Variants in CELF5 observed in about 807,000 individuals in gnomAD.
CELF5 encodes CUG-BP and ETR-3 like factor 5.
Under a neutral mutation model 54.9 loss-of-function variants are expected in CELF5, and 6 were observed. That is an observed-to-expected ratio of 0.11 (90% CI 0.06 to 0.22). CELF5 has a LOEUF of 0.22. Among genes scored for constraint, CELF5 ranks in the 10% least tolerant of loss-of-function variants. CELF5 has a pLI of 1.00. For missense variants in CELF5, 401 were observed against 678.6 expected, an observed-to-expected ratio of 0.59 and a Z score of 4.54; for synonymous variants, 271 against 290.9, an observed-to-expected ratio of 0.93 and a Z score of 0.70.
At position 3,282,628 on chromosome 19, in the gene CELF5, G is replaced by A; in HGVS notation, c.1039+130G>A. On this transcript the variant is annotated intron_variant, in intron 8 of 12. Transcript: ENST00000292672. This position sits in a 1 kb window ranked among gnomAD's most constrained non-coding sequence, Gnocchi z 5.2. Reference sequence around the variant, plus strand: ...GGGCAGGAAAAAGGGTGTCTCCGCTGAGCAGATAAGAGCTGTGGACACAGG... The same window carrying A: ...GGGCAGGAAAAAGGGTGTCTCCGCTAAGCAGATAAGAGCTGTGGACACAGG... 1.0e-6 allele frequency: 1 copy of A among 1,000,848 alleles called. No homozygotes were observed. Among genetic ancestry groups the A allele is most frequent in the South Asian group, 1.6e-5 (1 of 61,228 alleles). The allele number at this position is 1,000,848 out of a possible 1,614,324, so 62.0% of individuals were successfully genotyped here.
At chr19:3,231,329 G>T (rs981776765) in intron 1 of CELF5, among the ~76,000 whole-genome samples, 6 of 152,192 alleles carry the variant, frequency 3.9e-5, no homozygotes, top group East Asian at 1.9e-4. Context: ...TGAATCAATG[G>T]ATACAGACAT....
At chr19:3,279,758 A>C (rs2080116644) in intron 5 of CELF5, among the ~76,000 whole-genome samples, 1 of 152,028 alleles carries the variant, frequency 6.6e-6, no homozygotes, top group South Asian at 2.1e-4. Flanking sequence ...GTTGGAGTGC[A>C]ATGGGGCAAT....
chr19:3,253,968 T>C (rs1171286726), intron 2 of CELF5, among the ~76,000 whole-genome samples: 1 of 152,166 alleles, frequency 6.6e-6, no homozygotes, highest in African/African-American at 2.4e-5. Context: ...CCAGTCTCTA[T>C]TCCACTGTCT....
rs964991075 is a variant in CELF5 at position 3,228,511 on chromosome 19, C to T, written c.259+3513C>T. On this transcript the variant is annotated intron_variant, in intron 1 of 12. Coordinates refer to ENST00000292672, the MANE Select transcript of CELF5 (RefSeq NM_021938.4). This position sits in a 1 kb window ranked among gnomAD's most constrained non-coding sequence, Gnocchi z 6.0. ...GAAGGTGCCCACGGTGGTACTGGTC[C>T]GCCGCTGCCACTGGGCCCCCCGTTT... 1.3e-5 allele frequency among the ~76,000 whole-genome samples: 2 copies of T among 152,272 alleles called. No homozygotes were observed. Among genetic ancestry groups the T allele is most frequent in the Admixed American group, 6.5e-5 (1 of 15,304 alleles).
At chr19:3,292,008 A>G (rs938090918) in intron 11 of CELF5, among the ~76,000 whole-genome samples, 2 of 151,986 alleles carry the variant, frequency 1.3e-5, no homozygotes, top group Non-Finnish European at 2.9e-5. Context: ...GTGCAATTGC[A>G]CGATCTCAGC....
Position 3,278,455 on chromosome 19 carries a change from T to G in CELF5, c.603+345T>G, listed in dbSNP as rs1347609902. ...TGTGAGTGCGTGTTTGAGTGTGTCA[T>G]TACTAGTAGGCGAGTGTTATGTGAG... On this transcript the variant is annotated intron_variant, in intron 5 of 12. Coordinates refer to ENST00000292672, the MANE Select transcript of CELF5 (RefSeq NM_021938.4). This position sits in a 1 kb window ranked among gnomAD's most constrained non-coding sequence, Gnocchi z 4.5. Among the ~76,000 whole-genome samples, 1 of 151,528 alleles carries G rather than the reference T, an allele frequency of 6.6e-6. No homozygotes were observed. Among genetic ancestry groups the G allele is most frequent in the African/African-American group, 2.4e-5 (1 of 41,202 alleles).
chr19:3,247,362 G>A (rs1025431143), intron 1 of CELF5, among the ~76,000 whole-genome samples: 1 of 152,018 alleles, frequency 6.6e-6, no homozygotes, highest in East Asian at 1.9e-4. Context: ...TCCTGACCTC[G>A]TGATCCACCT....
At chr19:3,292,229 G>T (rs1341869321) in intron 11 of CELF5, among the ~76,000 whole-genome samples, 1 of 151,398 alleles carries the variant, frequency 6.6e-6, no homozygotes, top group East Asian at 1.9e-4. Flanking sequence ...TTACAGACGT[G>T]AACCACCACA....
chr19:3,262,362 T>C (rs556530622), intron 2 of CELF5, among the ~76,000 whole-genome samples: 2 of 152,282 alleles, frequency 1.3e-5, no homozygotes, highest in South Asian at 2.1e-4. Flanking sequence ...TTAGTTTTAG[T>C]AATTTGAAAT....
Position 3,228,634 on chromosome 19 carries a change from G to T in CELF5, c.259+3636G>T, listed in dbSNP as rs952306274. On this transcript the variant is annotated intron_variant, in intron 1 of 12. Transcript: ENST00000292672. This position sits in a 1 kb window ranked among gnomAD's most constrained non-coding sequence, Gnocchi z 6.0. ...TGCAGGTGGGGGGGGGGCCCGGCGG[G>T]GGCCCGGGTGGGGGCCCGCGGTTTC... 6.6e-6 allele frequency among the ~76,000 whole-genome samples: 1 copy of T among 151,884 alleles called. No individual in the cohort carries two copies. Among genetic ancestry groups the T allele is most frequent in the South Asian group, 2.1e-4 (1 of 4,810 alleles).
intron 2 of CELF5, among the ~76,000 whole-genome samples, chr19:3,266,939 G>A (rs372109152): frequency 3.3e-5 from 5 of 152,282 alleles, no homozygotes; most frequent in African/African-American, 7.2e-5. Context: ...CCACCCAGGC[G>A]GCTCACGTGC....
intron 8 of CELF5, 165 bp from the exon 9 acceptor site, chr19:3,284,737 T>G: frequency 1.6e-6 from 1 of 642,512 alleles, no homozygotes; most frequent in Admixed American, 2.4e-5. Flanking sequence ...CCTGTGCAAG[T>G]GGCTTCACCT....
At chr19:3,263,246 CAA>C (rs541811875) in intron 2 of CELF5, among the ~76,000 whole-genome samples, 297 of 45,034 alleles carry the variant, frequency 6.6e-3, no homozygotes, top group African/African-American at 0.021. Context: ...GATTCTGTCT[CAA>C]AAAAAAAAAA....
intron 1 of CELF5, among the ~76,000 whole-genome samples, chr19:3,244,302 ATG>A (rs1379100726): frequency 6.6e-6 from 1 of 151,426 alleles, no homozygotes; most frequent in Non-Finnish European, 1.5e-5. Flanking sequence ...TGCATGCAGT[ATG>A]TGTGTGTGCG....
chr19:3,292,347 G>A (rs1249211535), intron 11 of CELF5, among the ~76,000 whole-genome samples: 2 of 150,060 alleles, frequency 1.3e-5, no homozygotes, highest in Non-Finnish European at 2.9e-5. Context: ...CCATCAGTGC[G>A]ATCTCGGCTC....
intron 10 of CELF5, among the ~76,000 whole-genome samples, chr19:3,287,173 A>G (rs2080266747): frequency 6.6e-6 from 1 of 152,068 alleles, no homozygotes; most frequent in African/African-American, 2.4e-5. Flanking sequence ...GAAAAAGGAT[A>G]AGTAGCCAAT....
chr19:3,248,960 T>C (rs1028267373), intron 1 of CELF5, among the ~76,000 whole-genome samples: 2 of 150,742 alleles, frequency 1.3e-5, no homozygotes, highest in Non-Finnish European at 2.9e-5. Flanking sequence ...CTTTTCTTAA[T>C]GCTGGAAACT....
chr19:3,224,829 G>T lies in CELF5; in HGVS notation c.90G>T (p.Glu30Asp). Residue 30 changes from glutamate (E) to aspartate (D), a missense_variant, in exon 1 of 13, where the codon GAG (glutamate) becomes GAT (aspartate). Transcript: ENST00000292672. Reference protein sequence around the residue: ...RPSPVGSSGPEPPGGQPDGMK... With the variant: ...RPSPVGSSGPDPPGGQPDGMK... ...CGCCCGTGGGCAGCAGCGGGCCCGAGCCCCCCGGGGGGCAGCCCGACGGCA... is the reference window on the plus strand; with the variant it reads ...CGCCCGTGGGCAGCAGCGGGCCCGATCCCCCCGGGGGGCAGCCCGACGGCA... The T allele has an allele frequency of 6.3e-7, 1 of 1,580,634 alleles. No individual in the cohort carries two copies. The highest frequency in any genetic ancestry group is 8.6e-7 in the Non-Finnish European group (1 of 1,165,078).
intron 1 of CELF5, among the ~76,000 whole-genome samples, chr19:3,241,389 A>G (rs976044133): frequency 6.6e-6 from 1 of 151,910 alleles, no homozygotes; most frequent in African/African-American, 2.4e-5. Flanking sequence ...CCTAAAGATC[A>G]GTTCTTGTCC....
Sources: gnomAD v4.1 joint callset for allele counts (sites outside exome capture counted in the v4.1 genomes callset) on GRCh38, gnomAD v4.1.1 for gene constraint, Gnocchi (gnomAD v3.1) non-coding constraint, MANE v1.5 for transcripts, NCBI Gene and HGNC (gene_info 2026-07-23, HGNC 2026-07-21) for gene names.